Variants in NTNG2 observed in about 807,000 individuals in gnomAD.
The protein encoded by NTNG2 is netrin G2.
NTNG2 carries 15 observed loss-of-function variants against 47.6 expected under a neutral mutation model. That is an observed-to-expected ratio of 0.32 (90% CI 0.21 to 0.49). The LOEUF (loss-of-function observed/expected upper bound fraction) is 0.49. Ranked by LOEUF, NTNG2 falls within the 20% of genes least tolerant of loss-of-function variation. The pLI is 0.99. For missense variants in NTNG2, 578 were observed against 764.6 expected (o/e 0.76, Z 2.88); for synonymous variants, 307 against 324.6 (o/e 0.95, Z 0.58).
In NTNG2 at chr9:132,198,317, A is replaced by G. The variant is rs1480092180; in HGVS notation, c.565A>G (p.Ser189Gly). Residue 189 changes from serine to glycine, a missense_variant, in exon 3 of 8, where the codon AGC becomes GGC. Coordinates refer to ENST00000393229, the MANE Select transcript of NTNG2 (RefSeq NM_032536.4). ...ARRARDMSSS[S>G]AHRVLCTEEY... ...CCGGGCCCGCGACATGTCATCCTCC[A>G]GCGCGCACCGCGTGCTCTGCACCGA... 1.2e-6 allele frequency: 2 copies of G among 1,612,796 alleles called. No individual in the cohort carries two copies. Among genetic ancestry groups the G allele is most frequent in the South Asian group, 2.2e-5 (2 of 91,062 alleles).
rs564524982 is a variant in NTNG2 at position 132,222,537 on chromosome 9, T to G, written c.858-4312T>G. On this transcript the variant is annotated intron_variant, in intron 3 of 7. Transcript: ENST00000393229. ...AGATGGAGTTAAAATCACACAGACT[T>G]CAGCGGTGGCTAGTGCTGCTGGCCA... is the stretch of plus-strand genomic sequence containing the variant. 2.0e-5 allele frequency among the ~76,000 whole-genome samples: 3 copies of G among 152,302 alleles called. No homozygotes were observed. The South Asian group carries it at 6.2e-4, about 32-fold the overall frequency.
chr9:132,198,273 C>G lies in NTNG2; in HGVS notation c.521C>G (p.Ala174Gly). The G allele has an allele frequency of 6.2e-7, 1 of 1,612,438 alleles. No individual in the cohort carries two copies. ...TTCTACGCCGAGGACTGCATGGAGG[C>G]CTTCGGTATGTCCGCCCGCCGGGCC... ...YQFYAEDCMEAFGMSARRARD... is the reference protein window; with the variant it reads ...YQFYAEDCMEGFGMSARRARD... Residue 174 changes from alanine (A) to glycine (G), a missense_variant, in exon 3 of 8, where the codon GCC (alanine) becomes GGC (glycine). By Grantham distance (60) the Ala-to-Gly change is moderately conservative. Transcript: ENST00000393229.
intron 2 of NTNG2, among the ~76,000 whole-genome samples, chr9:132,168,791 G>A (rs924532358): frequency 1.3e-5 from 2 of 152,214 alleles, no homozygotes; most frequent in Non-Finnish European, 2.9e-5. Context: ...AGTCTCGACT[G>A]TATTTTCTCT....
chr9:132,219,790 A>G (rs1193384987), intron 3 of NTNG2, among the ~76,000 whole-genome samples: 1 of 152,114 alleles, frequency 6.6e-6, no homozygotes, highest in African/African-American at 2.4e-5. Flanking sequence ...CCTTTTGACT[A>G]TTATTAGCAA....
chr9:132,231,419 CGTCACCCTCCACCAGG>C lies in NTNG2; in HGVS notation c.1054+826_1054+841del, dbSNP rs1384349992. ...TCTCAGAGATGCTTCTGGGGTGCAC[CGTCACCCTCCACCAGG>C]GCTCTGTGGGGCCCCACATCCCACC... On this transcript the variant is annotated intron_variant, in intron 5 of 7. Coordinates refer to ENST00000393229, the MANE Select transcript of NTNG2 (RefSeq NM_032536.4). The surrounding 1 kb of genome is among the most constrained non-coding windows in gnomAD (Gnocchi z 4.1). 3 of 444,540 alleles carry C rather than the reference CGTCACCCTCCACCAGG, an allele frequency of 6.7e-6. No homozygotes were observed. In the East Asian group the frequency reaches 2.1e-4, roughly 32 times the overall value. 27.5% of individuals were successfully genotyped at this position (444,540 alleles called of 1,614,324 possible).
chr9:132,227,155 G>A (rs79607503), intron 4 of NTNG2, 134 bp downstream of exon 4: 12,887 of 987,184 alleles, frequency 0.013, 110 homozygotes, highest in South Asian at 0.017. Context: ...GCATGCAAAC[G>A]TGCACACAGA....
In NTNG2 at chr9:132,226,984, C is replaced by A; in HGVS notation, c.993C>A (p.Gly331=). ...TCCGCACCCGGTCCTGGCGGGCCGG[C>A]TCCTACCTGCCGCTGCCCCATGGCT... The part of the protein sequence containing the change: ...KNFRTRSWRA[G]SYLPLPHGSP... The change falls in exon 4 of 8, where the codon GGC becomes GGA. Residue 331 remains glycine, a synonymous_variant. Transcript: ENST00000393229. The surrounding 1 kb of genome is among the most constrained non-coding windows in gnomAD (Gnocchi z 4.8). 6.2e-7 allele frequency: 1 copy of A among 1,609,852 alleles called. No individual in the cohort carries two copies. Among genetic ancestry groups the A allele is most frequent in the Non-Finnish European group, 8.5e-7 (1 of 1,179,408 alleles).
rs1262099225 is a variant in NTNG2 at position 132,239,050 on chromosome 9, A to G, written c.1055-54A>G. ...TGAGTCCTTCCTCGCCCTGTCCCTCAGTTTCCCTGAATGCTCGCTGACCAT... is the reference window on the plus strand; with the variant it reads ...TGAGTCCTTCCTCGCCCTGTCCCTCGGTTTCCCTGAATGCTCGCTGACCAT... On this transcript the variant is annotated intron_variant, in intron 5 of 7. Transcript: ENST00000393229. 3 of 1,571,488 alleles carry G rather than the reference A, an allele frequency of 1.9e-6. No individual in the cohort carries two copies. The African/African-American group carries it at 4.1e-5, about 21-fold the overall frequency.
At chr9:132,190,265 G>C (rs1264296776) in intron 2 of NTNG2, among the ~76,000 whole-genome samples, 1 of 142,278 alleles carries the variant, frequency 7.0e-6, no homozygotes, top group Non-Finnish European at 1.5e-5. Context: ...AAAAAAAGAA[G>C]GTTTTAGGGT....
At position 132,198,288 on chromosome 9, in the gene NTNG2, C is replaced by A. The variant is rs375835045; in HGVS notation, c.536C>A (p.Ala179Asp). 2.5e-6 allele frequency: 4 copies of A among 1,612,440 alleles called. No homozygotes were observed. The African/African-American group carries it at 4.0e-5, about 16-fold the overall frequency. ...EDCMEAFGMS[A>D]RRARDMSSSS... ...TGCATGGAGGCCTTCGGTATGTCCG[C>A]CCGCCGGGCCCGCGACATGTCATCC... The change falls in exon 3 of 8, where the codon GCC becomes GAC. Residue 179 changes from alanine (A) to aspartate (D), a missense_variant. Transcript: ENST00000393229.
chr9:132,178,581 G>T (rs1188477193), intron 2 of NTNG2, among the ~76,000 whole-genome samples: 1 of 151,888 alleles, frequency 6.6e-6, no homozygotes, highest in Non-Finnish European at 1.5e-5. Flanking sequence ...CCCCTACCCT[G>T]CCCCAGGCCC....
intron 2 of NTNG2, among the ~76,000 whole-genome samples, chr9:132,179,978 C>T (rs760676699): frequency 2.6e-5 from 4 of 152,122 alleles, no homozygotes; most frequent in Non-Finnish European, 4.4e-5. Context: ...GTGTGTGGAT[C>T]CCTGTGAATC....
chr9:132,241,475 A>C (rs540921695), intron 7 of NTNG2: 1 of 327,608 alleles, frequency 3.1e-6, no homozygotes, highest in African/African-American at 2.2e-5. Flanking sequence ...GGGAACTACG[A>C]GAAAGACCGA....
At position 132,236,565 on chromosome 9, in the gene NTNG2, C is replaced by G. The variant is rs1448668631; in HGVS notation, c.1055-2539C>G. 1.3e-5 allele frequency among the ~76,000 whole-genome samples: 2 copies of G among 152,252 alleles called. No individual in the cohort carries two copies. The highest frequency in any genetic ancestry group is 3.9e-4 in the East Asian group (2 of 5,194). On this transcript the variant is annotated intron_variant, in intron 5 of 7. Coordinates refer to ENST00000393229, the MANE Select transcript of NTNG2 (RefSeq NM_032536.4). The surrounding 1 kb of genome is among the most constrained non-coding windows in gnomAD (Gnocchi z 4.3). ...CAGCGAGCAGGGCTTTGAGCGCCCT[C>G]TACTGGCAGGAAGCTCTGGCGCTGG...
chr9:132,223,265 G>A (rs1437984829), intron 3 of NTNG2, among the ~76,000 whole-genome samples: 1 of 152,216 alleles, frequency 6.6e-6, no homozygotes, highest in Non-Finnish European at 1.5e-5. Flanking sequence ...CCCAGGGCTG[G>A]TGGACGCAGG....
intron 1 of NTNG2, among the ~76,000 whole-genome samples, chr9:132,164,316 AGCCTCCCG>A (rs1364850793): frequency 6.6e-6 from 1 of 152,114 alleles, no homozygotes; most frequent in Admixed American, 6.5e-5. Context: ...CGCTCGCCCC[AGCCTCCCG>A]GCCTCCGGGC....
intron 3 of NTNG2, among the ~76,000 whole-genome samples, chr9:132,209,953 T>G (rs1839469619): frequency 1.3e-5 from 2 of 151,136 alleles, no homozygotes; most frequent in African/African-American, 2.4e-5. Context: ...GCCGAGGAAG[T>G]GATCGGGGTG....
intron 3 of NTNG2, 30 bp downstream of exon 3, chr9:132,198,639 C>G (rs1271126563): frequency 6.3e-7 from 1 of 1,587,432 alleles, no homozygotes; most frequent in South Asian, 1.1e-5. Flanking sequence ...TGGATGTCAC[C>G]TGCAACCTGG....
At position 132,240,903 on chromosome 9, in the gene NTNG2, C is replaced by T. The variant is rs772355340; in HGVS notation, c.1223-7C>T. ...CTGACCGCGCGCCCGTGCCCGTGTC[C>T]GTCCAGAGTGTAACTGCAACCAGAT... On this transcript the variant is annotated splice_polypyrimidine_tract_variant and splice_region_variant and intron_variant, in intron 6 of 7. Transcript: ENST00000393229. 4 of 1,612,710 alleles carry T rather than the reference C, an allele frequency of 2.5e-6. No individual in the cohort carries two copies. The highest frequency in any genetic ancestry group is 1.3e-5 in the African/African-American group (1 of 74,920).
Sources: allele counts gnomAD v4.1 joint callset (sites outside exome capture counted in the v4.1 genomes callset), GRCh38; gene constraint gnomAD v4.1.1; non-coding constraint Gnocchi (gnomAD v3.1); transcripts MANE v1.5; gene names NCBI Gene and HGNC (gene_info 2026-07-23, HGNC 2026-07-21).